The following EIF2AK3 variants were observed in gnomAD, a reference collection of about 807,000 sequenced individuals.
The protein encoded by EIF2AK3 is eukaryotic translation initiation factor 2 alpha kinase 3.
EIF2AK3 carries 50 observed loss-of-function variants against 113.5 expected under a neutral mutation model. The ratio of observed to expected loss-of-function variants is 0.44; its 90% CI spans 0.35 to 0.56. The LOEUF (loss-of-function observed/expected upper bound fraction) is 0.56. EIF2AK3 is among the 20% of genes least tolerant of loss of function. The pLI, the probability that EIF2AK3 is intolerant of heterozygous loss-of-function variation, is 0.00. For synonymous variants in EIF2AK3, 448 were observed against 495.4 expected, an observed-to-expected ratio of 0.90 and a Z score of 1.27; for missense variants, 1,185 against 1,378.0, an observed-to-expected ratio of 0.86 and a Z score of 2.22.
At chr2:88,576,404 C>G in intron 12 of EIF2AK3, 150 bp downstream of exon 12, 1 of 1,157,654 alleles carries the variant, frequency 8.6e-7, no homozygotes, top group South Asian at 1.6e-5. Flanking sequence ...CAAAATTTCA[C>G]AAGTGGCTAG....
chr2:88,608,339 C>G (rs757019140), intron 2 of EIF2AK3, among the ~76,000 whole-genome samples: 1 of 152,040 alleles, frequency 6.6e-6, no homozygotes, highest in Non-Finnish European at 1.5e-5. Context: ...GACGACTACT[C>G]AGGAGGCACG....
At chr2:88,581,608 C>T (rs908919639) in intron 10 of EIF2AK3, among the ~76,000 whole-genome samples, 8 of 152,154 alleles carry the variant, frequency 5.3e-5, no homozygotes, top group Admixed American at 2.6e-4. Flanking sequence ...CACAGCTGTT[C>T]CGAATAAATG....
chr2:88,582,075 T>G (rs576945703), intron 10 of EIF2AK3, among the ~76,000 whole-genome samples: 1 of 152,314 alleles, frequency 6.6e-6, no homozygotes, highest in Admixed American at 6.5e-5. Flanking sequence ...GGCAACATTT[T>G]TGCTTCCTGT....
At chr2:88,601,834 C>CTTTTTTTTTTTTATTTTTTT (rs1675155320) in intron 2 of EIF2AK3, among the ~76,000 whole-genome samples, 1 of 74,858 alleles carries the variant, frequency 1.3e-5, no homozygotes, top group Non-Finnish European at 2.5e-5. Flanking sequence ...TAAGATTTTT[C>CTTTTTTTTTTTTATTTTTTT]TTTTTTTTTT....
intron 2 of EIF2AK3, among the ~76,000 whole-genome samples, chr2:88,609,916 C>T (rs1293860558): frequency 8.6e-6 from 1 of 116,482 alleles, no homozygotes; most frequent in Non-Finnish European, 1.6e-5. Flanking sequence ...CGAGATCAGC[C>T]TGGGCAAAAT....
At chr2:88,589,690 T>C (rs183502009) in intron 6 of EIF2AK3, among the ~76,000 whole-genome samples, 64 of 150,192 alleles carry the variant, frequency 4.3e-4, no homozygotes, top group African/African-American at 1.5e-3. Context: ...TAAATAATTA[T>C]ATATATATAA....
rs762693700 is a variant in EIF2AK3, at chr2:88,627,005, C to G, written c.270G>C (p.Pro90=). 26 of 1,608,534 alleles carry G rather than the reference C, an allele frequency of 1.6e-5. No individual in the cohort carries two copies. The Admixed American group carries it at 3.5e-4, about 22-fold the overall frequency. Residue 90 remains proline, a synonymous_variant, in exon 1 of 17, where the codon CCG becomes CCC. Coordinates refer to ENST00000303236, the MANE Select transcript of EIF2AK3 (RefSeq NM_004836.7). ...AAAGEQEPRG[P]EPDDETELRP... ...GCAACTCTGTCTCATCGTCTGGTTC[C>G]GGACCCCGAGGCTCCTGCTCTCCCG...
chr2:88,606,501 T>C (rs1386237742), intron 2 of EIF2AK3, among the ~76,000 whole-genome samples: 1 of 152,194 alleles, frequency 6.6e-6, no homozygotes, highest in African/African-American at 2.4e-5. Context: ...TATTTAAATA[T>C]TGGCTTGCTA....
intron 11 of EIF2AK3, among the ~76,000 whole-genome samples, chr2:88,578,817 T>C (rs2104418298): frequency 2.0e-5 from 3 of 152,210 alleles, no homozygotes; most frequent in African/African-American, 4.8e-5. Flanking sequence ...AGGAAATAGA[T>C]ATTGTCAAAA....
chr2:88,606,416 G>A (rs1414653048), intron 2 of EIF2AK3, among the ~76,000 whole-genome samples: 3 of 152,238 alleles, frequency 2.0e-5, no homozygotes, highest in East Asian at 1.9e-4. Flanking sequence ...CATGCTAAGG[G>A]ATTAATATAA....
At chr2:88,562,479 G>C in intron 14 of EIF2AK3, 89 bp from the exon 15 acceptor site, 1 of 1,078,644 alleles carries the variant, frequency 9.3e-7, no homozygotes, top group Non-Finnish European at 1.4e-6. Context: ...AGTTTACTTA[G>C]TCACTTCTTG....
chr2:88,627,610 G>C (rs368946362), upstream of EIF2AK3: 77 of 282,104 alleles, frequency 2.7e-4, 5 homozygotes, highest in East Asian at 1.1e-3. Flanking sequence ...CAATCAAATC[G>C]TAATTTCGTC....
intron 2 of EIF2AK3, among the ~76,000 whole-genome samples, chr2:88,596,758 T>C (rs1464136305): frequency 6.6e-6 from 1 of 152,114 alleles, no homozygotes; most frequent in Non-Finnish European, 1.5e-5. Context: ...AGTAGAGCTG[T>C]TTAAGGTAGT....
intron 1 of EIF2AK3, among the ~76,000 whole-genome samples, chr2:88,617,437 T>C (rs940271264): frequency 1.3e-5 from 2 of 152,092 alleles, no homozygotes; most frequent in Non-Finnish European, 1.5e-5. Context: ...AAGCTAAATA[T>C]TGAGCACACA....
chr2:88,582,127 A>G (rs77995734), intron 10 of EIF2AK3, among the ~76,000 whole-genome samples: 2,522 of 152,182 alleles, frequency 0.017, 74 homozygotes, highest in African/African-American at 0.056. Flanking sequence ...GTCTTTGTCT[A>G]AGGGAGAGGA....
intron 1 of EIF2AK3, among the ~76,000 whole-genome samples, chr2:88,618,864 T>C (rs1264853083): frequency 1.3e-5 from 2 of 152,156 alleles, no homozygotes; most frequent in African/African-American, 4.8e-5. Context: ...TTTCAATGGT[T>C]TCCTAACTGC....
intron 11 of EIF2AK3, among the ~76,000 whole-genome samples, chr2:88,578,177 C>T (rs1244539127): frequency 6.6e-6 from 1 of 152,122 alleles, no homozygotes; most frequent in African/African-American, 2.4e-5. Flanking sequence ...AATTCCTGTA[C>T]CTACCAGACA....
intron 10 of EIF2AK3, among the ~76,000 whole-genome samples, chr2:88,582,407 C>T (rs1338943593): frequency 6.6e-6 from 1 of 152,146 alleles, no homozygotes; most frequent in African/African-American, 2.4e-5. Context: ...CCAGACCCTT[C>T]AGGACTGTGG....
chr2:88,580,338 G>C (rs1674568266), intron 10 of EIF2AK3, among the ~76,000 whole-genome samples: 2 of 152,140 alleles, frequency 1.3e-5, no homozygotes, highest in Admixed American at 1.3e-4. Flanking sequence ...TCTGCTGTCT[G>C]CTCCACTGGG....
Sources: allele counts gnomAD v4.1 joint callset (sites outside exome capture counted in the v4.1 genomes callset), GRCh38; gene constraint gnomAD v4.1.1; transcripts MANE v1.5; gene names NCBI Gene and HGNC (gene_info 2026-07-23, HGNC 2026-07-21).